Variants in KAT6B observed in about 807,000 individuals in gnomAD.
The protein encoded by KAT6B is lysine acetyltransferase 6B.
KAT6B carries 10 observed loss-of-function variants against 187.5 expected under a neutral mutation model. The observed-to-expected ratio is 0.05, with a 90% CI of 0.03 to 0.09. KAT6B has a LOEUF of 0.09. Ranked by LOEUF, KAT6B falls within the 10% of genes least tolerant of loss-of-function variation. The pLI is 1.00. For synonymous variants in KAT6B, 861 were observed against 926.8 expected, an observed-to-expected ratio of 0.93 and a Z score of 1.29; for missense variants, 1,952 against 2,558.9, an observed-to-expected ratio of 0.76 and a Z score of 5.12.
intron 4 of KAT6B, among the ~76,000 whole-genome samples, chr10:74,960,566 A>AG (rs1841027475): frequency 6.6e-6 from 1 of 151,756 alleles, no homozygotes; most frequent in Admixed American, 6.6e-5. Flanking sequence ...AAAAAAAAAA[A>AG]CAAAAACAAA....
At position 74,919,232 on chromosome 10, in the gene KAT6B, A is replaced by ATC. The variant is rs1372293909; in HGVS notation, c.622-40737_622-40736insCT. ...AGCAAAACTCCATATCTATCTATCTATATATATATATTTTTTTCCTCTGGT... is the reference window on the plus strand; with the variant it reads ...AGCAAAACTCCATATCTATCTATCTATCTATATATATATTTTTTTCCTCTGGT... On this transcript the variant is annotated intron_variant, in intron 3 of 17. Coordinates refer to ENST00000287239, the MANE Select transcript of KAT6B (RefSeq NM_012330.4). Among the ~76,000 whole-genome samples the ATC allele has an allele frequency of 5.9e-5, 9 of 151,918 alleles. No individual in the cohort carries two copies. The East Asian group carries it at 1.5e-3, about 26-fold the overall frequency.
At chr10:74,898,172 A>G (rs961216742) in intron 3 of KAT6B, among the ~76,000 whole-genome samples, 1 of 152,198 alleles carries the variant, frequency 6.6e-6, no homozygotes, top group South Asian at 2.1e-4. Flanking sequence ...AGGGAAAAGC[A>G]CCTAGGATTT....
At chr10:74,935,287 A>G (rs2133219991) in intron 3 of KAT6B, among the ~76,000 whole-genome samples, 1 of 152,368 alleles carries the variant, frequency 6.6e-6, no homozygotes, top group African/African-American at 2.4e-5. Flanking sequence ...ACACATATAT[A>G]TATATACACA....
rs1455956477 is a variant in KAT6B at position 75,032,233 on chromosome 10, AAAAC to A, written c.*1195_*1198del. 29 of 191,844 alleles carry A rather than the reference AAAAC, an allele frequency of 1.5e-4. 1 individual carries two copies. The highest frequency in any genetic ancestry group is 7.4e-4 in the Admixed American group (12 of 16,268). 11.9% of individuals were successfully genotyped at this position (191,844 alleles called of 1,614,324 possible). A position where few individuals can be genotyped will look rare whatever the true frequency, so the allele number is the denominator to read the frequency against. On this transcript the variant is annotated 3_prime_UTR_variant, in exon 18 of 18. Transcript: ENST00000287239. ...TTAGTCAGTCACTTCAAAAAAACAA[AAAAC>A]AAACAAAAAAAAGCTGTACATTTTA...
At chr10:74,838,651 C>T (rs1301296930) in intron 1 of KAT6B, 32 bp from the exon 2 acceptor site, 3 of 152,190 alleles carry the variant, frequency 2.0e-5, no homozygotes, top group Admixed American at 6.5e-5. Context: ...GTCCTTATGT[C>T]CAAATGAACA....
chr10:74,938,944 C>T (rs1006651694), intron 3 of KAT6B, among the ~76,000 whole-genome samples: 1 of 151,984 alleles, frequency 6.6e-6, no homozygotes, highest in African/African-American at 2.4e-5. Context: ...ACCATGTTGG[C>T]CAGGCTGGTC....
intron 3 of KAT6B, among the ~76,000 whole-genome samples, chr10:74,900,164 A>G (rs1846278294): frequency 6.6e-6 from 1 of 152,174 alleles, no homozygotes. Flanking sequence ...ATCACAATGA[A>G]ACATCTCACA....
At chr10:74,920,759 C>T (rs886405568) in intron 3 of KAT6B, among the ~76,000 whole-genome samples, 3 of 152,072 alleles carry the variant, frequency 2.0e-5, no homozygotes, top group East Asian at 1.9e-4. Flanking sequence ...TTCTCCTTTT[C>T]GTTCGTAAGA....
In KAT6B at chr10:74,842,915, A is replaced by G. The variant is rs755459198; in HGVS notation, c.58A>G (p.Ile20Val). The G allele has an allele frequency of 3.1e-6, 5 of 1,614,214 alleles. No homozygotes were observed. Among genetic ancestry groups the G allele is most frequent in the Non-Finnish European group, 4.2e-6 (5 of 1,180,018 alleles). Residue 20 changes from isoleucine (I) to valine (V), a missense_variant, in exon 3 of 18, where the codon ATA becomes GTA. This residue lies in a region of KAT6B where 218 missense variants were observed against 282.6 expected (regional missense o/e 0.77). Transcript: ENST00000287239. ...GTGGATTCTTGAAGCTATACAGAAA[A>G]TAAAAAAGCAAAAGCAAAGGCCCTC... ...TEWILEAIQK[I>V]KKQKQRPSEE... is the part of the protein sequence containing the mutation.
At chr10:74,981,432 G>A (rs982211792) in intron 10 of KAT6B, among the ~76,000 whole-genome samples, 1 of 151,744 alleles carries the variant, frequency 6.6e-6, no homozygotes, top group Non-Finnish European at 1.5e-5. Flanking sequence ...GGAGCGCAGT[G>A]GTGCAATCTC....
intron 3 of KAT6B, among the ~76,000 whole-genome samples, chr10:74,956,746 A>G (rs559397627): frequency 1.3e-5 from 2 of 152,330 alleles, no homozygotes; most frequent in African/African-American, 2.4e-5. Flanking sequence ...TGATTAAATG[A>G]GATAGTGCAG....
At chr10:74,839,422 G>A (rs1424012945) in intron 2 of KAT6B, among the ~76,000 whole-genome samples, 1 of 151,874 alleles carries the variant, frequency 6.6e-6, no homozygotes, top group African/African-American at 2.4e-5. Context: ...AGTAGAGACG[G>A]GGTTTCACCA....
chr10:74,888,884 G>A (rs138639984), intron 3 of KAT6B, among the ~76,000 whole-genome samples: 191 of 152,196 alleles, frequency 1.3e-3, no homozygotes, highest in African/African-American at 3.4e-3. Flanking sequence ...TCTCAGATAC[G>A]TTTTTAGTGA....
At position 75,032,222 on chromosome 10, in the gene KAT6B, CA is replaced by C. The variant is rs1846361169; in HGVS notation, c.*1183del. 5.3e-6 allele frequency: 1 copy of C among 189,684 alleles called. No homozygotes were observed. The highest frequency in any genetic ancestry group is 1.1e-5 in the Non-Finnish European group (1 of 90,744). 11.8% of individuals were successfully genotyped at this position (189,684 alleles called of 1,614,324 possible). On this transcript the variant is annotated 3_prime_UTR_variant, in exon 18 of 18. Transcript: ENST00000287239. ...CTGTTCTCTTTTTAGTCAGTCACTT[CA>C]AAAAAACAAAAAACAAACAAAAAAA...
chr10:74,852,328 A>G (rs564051575), intron 3 of KAT6B, among the ~76,000 whole-genome samples: 2 of 152,346 alleles, frequency 1.3e-5, no homozygotes, highest in African/African-American at 4.8e-5. Context: ...ATTGGTATGG[A>G]TAAAGTCAGT....
At chr10:74,925,291 C>T (rs992639491) in intron 3 of KAT6B, among the ~76,000 whole-genome samples, 10 of 152,188 alleles carry the variant, frequency 6.6e-5, no homozygotes, top group African/African-American at 2.4e-4. Context: ...ATCCGCCCAC[C>T]TCAGCCTCCA....
At chr10:74,864,099 C>G (rs990303658) in intron 3 of KAT6B, among the ~76,000 whole-genome samples, 1 of 152,116 alleles carries the variant, frequency 6.6e-6, no homozygotes, top group Non-Finnish European at 1.5e-5. Context: ...GACAGGGTCT[C>G]TCTCTTTCAG....
intron 3 of KAT6B, among the ~76,000 whole-genome samples, chr10:74,958,796 T>G (rs189961751): frequency 6.6e-6 from 1 of 152,166 alleles, no homozygotes; most frequent in East Asian, 1.9e-4. Flanking sequence ...TCCCAGCACT[T>G]TGGGAGGCTG....
At position 74,937,931 on chromosome 10, in the gene KAT6B, CTT is replaced by C. The variant is rs370142881; in HGVS notation, c.622-22037_622-22036del. Reference sequence around the variant, plus strand: ...AGGGCTTTCACTATAGGGTTTAACTCTTTGGTGAATCCTCATATCGAAATGGT... The same window carrying C: ...AGGGCTTTCACTATAGGGTTTAACTCTGGTGAATCCTCATATCGAAATGGT... On this transcript the variant is annotated intron_variant, in intron 3 of 17. Coordinates refer to ENST00000287239, the MANE Select transcript of KAT6B (RefSeq NM_012330.4). Among the ~76,000 whole-genome samples the C allele has an allele frequency of 1.1e-4, 16 of 152,292 alleles. 2 individuals carry two copies. Among genetic ancestry groups the C allele is most frequent in the African/African-American group, 3.4e-4 (14 of 41,556 alleles).
Sources: allele counts gnomAD v4.1 joint callset (sites outside exome capture counted in the v4.1 genomes callset), GRCh38; gene constraint gnomAD v4.1.1; regional missense constraint gnomAD v4.1.1; transcripts MANE v1.5; gene names NCBI Gene and HGNC (gene_info 2026-07-23, HGNC 2026-07-21).